The following DHRS4 variants were observed in gnomAD, a reference collection of about 807,000 sequenced individuals.
The protein encoded by DHRS4 is dehydrogenase/reductase 4, also known as dehydrogenase/reductase SDR family member 4.
In DHRS4, 20 loss-of-function variants were observed where a neutral mutation model predicts 28.4. The ratio of observed to expected loss-of-function variants is 0.71; its 90% confidence interval spans 0.50 to 1.02. DHRS4 has a LOEUF of 1.02. DHRS4 is among the 50% of genes least tolerant of loss of function. DHRS4 has a pLI of 0.00. For synonymous variants in DHRS4, 144 were observed against 146.4 expected, an observed-to-expected ratio of 0.98 and a Z score of 0.12; for missense variants, 378 against 367.2, an observed-to-expected ratio of 1.03 and a Z score of -0.24.
intron 3 of DHRS4, among the ~76,000 whole-genome samples, chr14:23,964,220 T>TAAAAAAAAAAAAAA (rs71119059): frequency 8.7e-5 from 3 of 34,502 alleles, no homozygotes; most frequent in African/African-American, 2.8e-4. Flanking sequence ...CTGCAATTTG[T>TAAAAAAAAAAAAAA]AAAAAAAAAA....
At chr14:23,967,557 G>A (rs2033678063) in intron 7 of DHRS4, 1 of 654,366 alleles carries the variant, frequency 1.5e-6, no homozygotes, top group Non-Finnish European at 2.8e-6. Flanking sequence ...AGCATCCATG[G>A]AGACCAGGGA....
At chr14:23,957,483 A>C (rs561204883) in intron 2 of DHRS4, among the ~76,000 whole-genome samples, 5 of 152,058 alleles carry the variant, frequency 3.3e-5, no homozygotes, top group African/African-American at 1.2e-4. Context: ...TAACTATCAG[A>C]ACACAGAACA....
chr14:23,965,080 G>T (rs1813323133), intron 3 of DHRS4, among the ~76,000 whole-genome samples: 1 of 151,644 alleles, frequency 6.6e-6, no homozygotes, highest in Non-Finnish European at 1.5e-5. Context: ...GACATTCATT[G>T]TACTTCTATC....
intron 3 of DHRS4, among the ~76,000 whole-genome samples, chr14:23,963,523 C>T (rs201019785): frequency 4.0e-5 from 6 of 148,400 alleles, no homozygotes; most frequent in East Asian, 2.0e-4. Context: ...GCTTCTTCAC[C>T]TCTCTCAGCC....
rs144628904 is a variant in DHRS4, at chr14:23,959,193, T to A, written c.307-709T>A. Among the ~76,000 whole-genome samples the A allele has an allele frequency of 1.6e-3, 240 of 152,100 alleles. 1 individual carries two copies. Among genetic ancestry groups the A allele is most frequent in the Non-Finnish European group, 2.8e-3 (188 of 67,984 alleles). On this transcript the variant is annotated intron_variant, in intron 2 of 7. Coordinates refer to ENST00000313250, the MANE Select transcript of DHRS4 (RefSeq NM_021004.4). The stretch of plus-strand genomic sequence containing the variant: ...CTTGAAATCATGAGAATGAAGGAGC[T>A]TCCCAAAGGGGAAGTGTAAAGAAAA...
chr14:23,965,364 TC>T (rs2033578120), intron 3 of DHRS4, among the ~76,000 whole-genome samples: 1 of 91,552 alleles, frequency 1.1e-5, no homozygotes, highest in African/African-American at 7.6e-5. Context: ...GGCCACATTT[TC>T]CCTGAGAAGC....
rs2033340471 is a variant in DHRS4 at position 23,959,929 on chromosome 14, A to G, written c.334A>G (p.Ile112Val). The change falls in exon 3 of 8, where the codon ATC (isoleucine) becomes GTC (valine). Residue 112 changes from isoleucine to valine, a missense_variant. Ile to Val is a conservative substitution (Grantham distance 29). Transcript: ENST00000313250. ...TAVKLHGGID[I>V]LVSNAAVNPF... ...TGTGAAGCTTCATGGAGGTATCGAT[A>G]TCCTAGTCTCCAATGCTGCTGTCAA... 3.1e-6 allele frequency: 5 copies of G among 1,611,348 alleles called. No individual in the cohort carries two copies. The highest frequency in any genetic ancestry group is 3.3e-5 in the Admixed American group (2 of 59,784).
chr14:23,963,671 T>G (rs1594430102), intron 3 of DHRS4, among the ~76,000 whole-genome samples: 1 of 147,522 alleles, frequency 6.8e-6, no homozygotes, highest in Admixed American at 6.7e-5. Flanking sequence ...TTTCTTATCA[T>G]TTATATGTTC....
chr14:23,968,373 A>AAT (rs1216593320), intron 7 of DHRS4, among the ~76,000 whole-genome samples: 3 of 150,700 alleles, frequency 2.0e-5, no homozygotes, highest in Non-Finnish European at 2.9e-5. Context: ...GAATCATTTT[A>AAT]AACACACCAT....
At chr14:23,961,857 G>C (rs995369772) in intron 3 of DHRS4, among the ~76,000 whole-genome samples, 5 of 146,870 alleles carry the variant, frequency 3.4e-5, no homozygotes, top group African/African-American at 1.3e-4. Context: ...TTCATGAACA[G>C]TCTGAATAGA....
intron 2 of DHRS4, 110 bp downstream of exon 2, chr14:23,955,322 A>C (rs1227868005): frequency 6.9e-7 from 1 of 1,441,642 alleles, no homozygotes; most frequent in Non-Finnish European, 9.2e-7. Context: ...GTGCCTTTCT[A>C]TTATGTCCAT....
chr14:23,953,800 G>C lies in DHRS4; in HGVS notation c.12G>C (p.Ala4=), dbSNP rs3211118. Residue 4 remains alanine, a synonymous_variant, in exon 1 of 8, where the codon GCG becomes GCC. Transcript: ENST00000313250. The part of the protein sequence containing the change: MHK[A]GLLGLCARAW... ...TGCTGGTCTGATCCATGCACAAGGC[G>C]GGGCTGCTAGGCCTCTGTGCCCGGG... 3.4e-5 allele frequency: 55 copies of C among 1,614,098 alleles called. No individual in the cohort carries two copies. The East Asian group carries it at 4.2e-4, about 12-fold the overall frequency.
chr14:23,955,357 A>T, intron 2 of DHRS4, 145 bp downstream of exon 2: 1 of 1,359,442 alleles, frequency 7.4e-7, no homozygotes, highest in Non-Finnish European at 9.8e-7. Flanking sequence ...GAATCATCCC[A>T]TCTCAGTCAG....
chr14:23,964,248 A>C (rs1338241213), intron 3 of DHRS4, among the ~76,000 whole-genome samples: 1 of 134,324 alleles, frequency 7.4e-6, no homozygotes, highest in Admixed American at 7.4e-5. Context: ...AAAAAAAAAA[A>C]AAAAAACACA....
rs2032953328 is a variant in DHRS4 at position 23,953,886 on chromosome 14, A to T, written c.98A>T (p.Lys33Met). The stretch of plus-strand genomic sequence containing the variant: ...ACCCGCCGGGACCCGCTCGCAAATA[A>T]GGTGGCCCTGGTAACGGCCTCCACC... ...GMTRRDPLAN[K>M]VALVTASTDG... The change falls in exon 1 of 8, where the codon AAG becomes ATG. Residue 33 changes from lysine (K) to methionine (M), a missense_variant. By Grantham distance (95) the Lys-to-Met change is moderately conservative. Coordinates refer to ENST00000313250, the MANE Select transcript of DHRS4 (RefSeq NM_021004.4). 3.1e-6 allele frequency: 5 copies of T among 1,608,932 alleles called. No homozygotes were observed. Among genetic ancestry groups the T allele is most frequent in the Non-Finnish European group, 4.2e-6 (5 of 1,177,782 alleles).
In DHRS4 at chr14:23,955,045, G is replaced by A. The variant is rs2033053266; in HGVS notation, c.139G>A (p.Ala47Thr). The A allele has an allele frequency of 1.2e-6, 2 of 1,614,136 alleles. No individual in the cohort carries two copies. The highest frequency in any genetic ancestry group is 1.7e-6 in the Non-Finnish European group (2 of 1,179,988). The change falls in exon 2 of 8, where the codon GCC becomes ACC. Residue 47 changes from alanine (A) to threonine (T), a missense_variant. By Grantham distance (58) the Ala-to-Thr change is moderately conservative. Transcript: ENST00000313250. ...TCTTTCTGCTCACAGGATCGGCTTC[G>A]CCATCGCCCGGCGTTTGGCCCAGGA... ...VTASTDGIGF[A>T]IARRLAQDGA...
At chr14:23,956,614 T>G (rs1405939687) in intron 2 of DHRS4, among the ~76,000 whole-genome samples, 1 of 150,334 alleles carries the variant, frequency 6.7e-6, no homozygotes, top group Non-Finnish European at 1.5e-5. Context: ...TTTTTTTTTT[T>G]TTTTTTTGAG....
At position 23,955,043 on chromosome 14, in the gene DHRS4, T is replaced by C. The variant is rs563498507; in HGVS notation, c.137T>C (p.Phe46Ser). Residue 46 changes from phenylalanine (F) to serine (S), a missense_variant, in exon 2 of 8, where the codon TTC becomes TCC. Transcript: ENST00000313250. The stretch of plus-strand genomic sequence containing the variant: ...TCTCTTTCTGCTCACAGGATCGGCT[T>C]CGCCATCGCCCGGCGTTTGGCCCAG... ...LVTASTDGIGFAIARRLAQDG... is the reference protein window; with the variant it reads ...LVTASTDGIGSAIARRLAQDG... The C allele has an allele frequency of 1.9e-6, 3 of 1,614,160 alleles. No homozygotes were observed. In the East Asian group the frequency reaches 6.7e-5, roughly 36 times the overall value.
intron 2 of DHRS4, 43 bp downstream of exon 2, chr14:23,955,255 C>T (rs559179305): frequency 2.5e-6 from 4 of 1,576,414 alleles, no homozygotes; most frequent in Non-Finnish European, 2.6e-6. Context: ...AGGTGGAAAA[C>T]GGAGCCAGCC....
Sources: gnomAD v4.1 joint callset for allele counts (sites outside exome capture counted in the v4.1 genomes callset) on GRCh38, gnomAD v4.1.1 for gene constraint, MANE v1.5 for transcripts, NCBI Gene and HGNC (gene_info 2026-07-23, HGNC 2026-07-21) for gene names.